The following KALRN variants were observed in gnomAD, a reference collection of about 807,000 sequenced individuals.
The protein encoded by KALRN is kalirin.
A neutral mutation model predicts 353.7 loss-of-function variants in KALRN; 70 were observed. That is an observed-to-expected ratio of 0.20 (90% CI 0.16 to 0.24). The LOEUF (loss-of-function observed/expected upper bound fraction) is 0.24. Ranked by LOEUF, KALRN falls within the 10% of genes least tolerant of loss-of-function variation. The pLI, the probability that KALRN is intolerant of heterozygous loss-of-function variation, is 1.00. For synonymous variants in KALRN, 1,391 were observed against 1,434.8 expected (o/e 0.97, Z 0.69); for missense variants, 2,791 against 3,756.7 (o/e 0.74, Z 6.72).
At chr3:124,606,692 A>G (rs1387790914) in intron 34 of KALRN, among the ~76,000 whole-genome samples, 3 of 152,230 alleles carry the variant, frequency 2.0e-5, no homozygotes, top group African/African-American at 7.2e-5. Context: ...AAGTTAAAAC[A>G]AATGATGGAC....
rs34625612 is a variant in KALRN, at chr3:124,642,304, AAGAG to A, written c.5664+5017_5664+5020del. Among the ~76,000 whole-genome samples, 13 of 150,008 alleles carry A rather than the reference AAGAG, an allele frequency of 8.7e-5. No homozygotes were observed. The South Asian group carries it at 1.1e-3, about 12-fold the overall frequency. On this transcript the variant is annotated intron_variant, in intron 37 of 59. Coordinates refer to ENST00000682506, the MANE Select transcript of KALRN (RefSeq NM_001388419.1). Reference sequence around the variant, plus strand: ...TCTCTACAGAAAAACAAAAAATTAAAAGAGAGAGAGAGAGAGAGATAGAAAAGAA... The same window carrying A: ...TCTCTACAGAAAAACAAAAAATTAAAAGAGAGAGAGAGAGATAGAAAAGAA...
chr3:124,248,123 T>C (rs941077409), intron 3 of KALRN, among the ~76,000 whole-genome samples: 1 of 152,252 alleles, frequency 6.6e-6, no homozygotes, highest in Non-Finnish European at 1.5e-5. Context: ...TTCTCTCTGA[T>C]AGGTGGTGAA....
At chr3:124,631,669 T>C (rs2080800471) in intron 34 of KALRN, among the ~76,000 whole-genome samples, 1 of 152,142 alleles carries the variant, frequency 6.6e-6, no homozygotes, top group South Asian at 2.1e-4. Context: ...CCAACCAGTT[T>C]CCCTATTTCC....
chr3:124,124,610 A>G lies in KALRN; in HGVS notation c.73+90797A>G, dbSNP rs1418569987. Among the ~76,000 whole-genome samples the G allele has an allele frequency of 2.6e-5, 4 of 152,344 alleles. No homozygotes were observed. In the East Asian group the frequency reaches 7.7e-4, roughly 29 times the overall value. On this transcript the variant is annotated intron_variant, in intron 1 of 59. Coordinates refer to ENST00000682506, the MANE Select transcript of KALRN (RefSeq NM_001388419.1). ...TGTAGAGAAATCTTTAATGAAAGGA[A>G]GAGTCAATCAATGTGGCAAATATCA...
At chr3:124,370,342 G>A (rs2085670129) in intron 10 of KALRN, among the ~76,000 whole-genome samples, 1 of 152,148 alleles carries the variant, frequency 6.6e-6, no homozygotes, top group African/African-American at 2.4e-5. Context: ...ACCGTATTTA[G>A]CTGAGAGAAA....
intron 2 of KALRN, among the ~76,000 whole-genome samples, chr3:124,229,696 G>A (rs1236377972): frequency 6.6e-6 from 1 of 152,250 alleles, no homozygotes; most frequent in African/African-American, 2.4e-5. Flanking sequence ...AGAGCCTGAT[G>A]ATTCAGAGTG....
chr3:124,614,034 G>A (rs2078283100), intron 34 of KALRN, among the ~76,000 whole-genome samples: 1 of 152,154 alleles, frequency 6.6e-6, no homozygotes. Context: ...GAGACTCATG[G>A]GTTGAGTATA....
At chr3:124,092,461 G>A (rs1157684917) in intron 1 of KALRN, among the ~76,000 whole-genome samples, 1 of 152,208 alleles carries the variant, frequency 6.6e-6, no homozygotes, top group Admixed American at 6.5e-5. Flanking sequence ...TAAGTCAGGG[G>A]CCAAAGAAAA....
intron 5 of KALRN, among the ~76,000 whole-genome samples, chr3:124,287,788 T>C (rs1375591901): frequency 1.6e-4 from 2 of 12,592 alleles, no homozygotes; most frequent in Admixed American, 7.2e-4. Flanking sequence ...TATATATATA[T>C]ATATATATAT....
At chr3:124,509,416 C>T (rs1163685782) in intron 33 of KALRN, among the ~76,000 whole-genome samples, 1 of 152,138 alleles carries the variant, frequency 6.6e-6, no homozygotes, top group African/African-American at 2.4e-5. Flanking sequence ...ACCATGTTGG[C>T]CAGGCTGGTC....
chr3:124,349,851 T>C (rs998289132), intron 10 of KALRN, among the ~76,000 whole-genome samples: 2 of 152,176 alleles, frequency 1.3e-5, no homozygotes, highest in African/African-American at 4.8e-5. Flanking sequence ...CAATATCTGG[T>C]CCTGGGTCAT....
chr3:124,482,925 C>A (rs778131608), intron 28 of KALRN, 25 bp downstream of exon 28: 18 of 1,454,452 alleles, frequency 1.2e-5, no homozygotes, highest in Non-Finnish European at 1.6e-5. Context: ...CTCTACATCC[C>A]CCTCCACTGC....
intron 1 of KALRN, among the ~76,000 whole-genome samples, chr3:124,146,490 G>A (rs1357497626): frequency 6.6e-6 from 1 of 152,064 alleles, no homozygotes; most frequent in South Asian, 2.1e-4. Context: ...CAAATGGCTC[G>A]AGGAGAAGCA....
In KALRN at chr3:124,455,011, A is replaced by G. The variant is rs144731040; in HGVS notation, c.3553-166A>G. 7.8e-3 allele frequency: 5,031 copies of G among 645,630 alleles called. 29 individuals are homozygous for G. The highest frequency in any genetic ancestry group is 0.015 in the Middle Eastern group (39 of 2,528). 40.0% of individuals were successfully genotyped at this position (645,630 alleles called of 1,614,324 possible). A position where few individuals can be genotyped will look rare whatever the true frequency, so the allele number is the denominator to read the frequency against. The stretch of plus-strand genomic sequence containing the variant: ...AGAAATGGAGGCACAGAGGGTTTCA[A>G]TAACTTGCTCGAGATCTCCCAGTTA... On this transcript the variant is annotated intron_variant, in intron 21 of 59. Coordinates refer to ENST00000682506, the MANE Select transcript of KALRN (RefSeq NM_001388419.1).
rs199637037 is a variant in KALRN at position 124,562,974 on chromosome 3, G to C, written c.5067G>C (p.Leu1689=). 1.5e-6 allele frequency: 2 copies of C among 1,367,870 alleles called. No individual in the cohort carries two copies. The highest frequency in any genetic ancestry group is 2.0e-6 in the Non-Finnish European group (2 of 1,022,000). The allele number at this position is 1,367,870 out of a possible 1,614,324, so 84.7% of individuals were successfully genotyped here. The change falls in exon 34 of 60, where the codon CTG becomes CTC. Residue 1689 remains leucine (L), a synonymous_variant. Transcript: ENST00000682506. ...CCAGCGAGCGGCCTGGTTGGTGTCT[G>C]GTCCGTACCACCGAACGGAGCCCGC... The part of the protein sequence containing the change: ...ERPSERPGWC[L]VRTTERSPPL...
At chr3:124,518,877 C>T in intron 33 of KALRN, 7 of 1,024,398 alleles carry the variant, frequency 6.8e-6, no homozygotes, top group Non-Finnish European at 8.2e-6. Context: ...AAGTTTTTCT[C>T]CAGGCTGAAC....
intron 9 of KALRN, among the ~76,000 whole-genome samples, chr3:124,338,188 T>G (rs1341241184): frequency 6.6e-6 from 1 of 152,176 alleles, no homozygotes; most frequent in Non-Finnish European, 1.5e-5. Flanking sequence ...CTTTTGAATT[T>G]GTTTGCTCTT....
intron 37 of KALRN, among the ~76,000 whole-genome samples, chr3:124,649,274 A>G (rs1355423426): frequency 6.6e-6 from 1 of 152,196 alleles, no homozygotes; most frequent in African/African-American, 2.4e-5. Flanking sequence ...TGTTTAGCCT[A>G]TGTTAAAATA....
At chr3:124,527,524 G>A (rs1474507479) in intron 33 of KALRN, among the ~76,000 whole-genome samples, 2 of 151,828 alleles carry the variant, frequency 1.3e-5, no homozygotes, top group African/African-American at 2.4e-5. Context: ...CAGGAGAATC[G>A]CTTGAAACCA....
Sources: allele counts gnomAD v4.1 joint callset (sites outside exome capture counted in the v4.1 genomes callset), GRCh38; gene constraint gnomAD v4.1.1; transcripts MANE v1.5; gene names NCBI Gene and HGNC (gene_info 2026-07-23, HGNC 2026-07-21).